Variants in PAAF1 observed in about 807,000 individuals in gnomAD.
The protein encoded by PAAF1 is proteasomal ATPase-associated factor 1.
PAAF1 carries 46 observed loss-of-function variants against 52.8 expected under a neutral mutation model. The ratio of observed to expected loss-of-function variants is 0.87; its 90% confidence interval spans 0.69 to 1.11. PAAF1 has a LOEUF of 1.11. PAAF1 is among the 50% of genes most tolerant of loss of function. The probability of loss-of-function intolerance (pLI) is 0.00; values close to 1 mark genes in which losing one functional copy is unlikely to be tolerated. For missense variants in PAAF1, 424 were observed against 477.4 expected, an observed-to-expected ratio of 0.89 and a Z score of 1.04; for synonymous variants, 178 against 172.8, an observed-to-expected ratio of 1.03 and a Z score of -0.24.
At chr11:73,877,776 C>T (rs937892583) in intron 1 of PAAF1, among the ~76,000 whole-genome samples, 70 of 152,132 alleles carry the variant, frequency 4.6e-4, no homozygotes, top group Non-Finnish European at 3.1e-4. Context: ...ATCCCAGCTA[C>T]TCGGGAGGCT....
chr11:73,912,765 C>T (rs568751273), intron 7 of PAAF1, among the ~76,000 whole-genome samples: 2 of 152,324 alleles, frequency 1.3e-5, no homozygotes, highest in Admixed American at 1.3e-4. Flanking sequence ...CTGACCCCTA[C>T]ACTTCTCTCC....
At chr11:73,908,019 T>C (rs1949807344) in intron 6 of PAAF1, among the ~76,000 whole-genome samples, 1 of 152,044 alleles carries the variant, frequency 6.6e-6, no homozygotes, top group African/African-American at 2.4e-5. Context: ...CCTTAAGTGG[T>C]CCACCACCTT....
intron 3 of PAAF1, chr11:73,888,797 T>C (rs1389920903): frequency 8.9e-6 from 3 of 335,232 alleles, no homozygotes; most frequent in Non-Finnish European, 1.6e-5. Context: ...ATTAGCTGTG[T>C]GATTTTGGAC....
intron 4 of PAAF1, among the ~76,000 whole-genome samples, chr11:73,892,569 CATT>C (rs1386916183): frequency 6.6e-6 from 1 of 152,160 alleles, no homozygotes; most frequent in Non-Finnish European, 1.5e-5. Context: ...CTCTACATAT[CATT>C]ATTTTACTTA....
intron 6 of PAAF1, among the ~76,000 whole-genome samples, chr11:73,907,805 T>A (rs1300043174): frequency 6.6e-6 from 1 of 152,146 alleles, no homozygotes; most frequent in Non-Finnish European, 1.5e-5. Flanking sequence ...TTGCCAAGAT[T>A]TCTATTTTGT....
At chr11:73,878,917 A>G (rs1345425363) in intron 2 of PAAF1, 98 bp downstream of exon 2, 6 of 1,155,076 alleles carry the variant, frequency 5.2e-6, no homozygotes, top group Non-Finnish European at 7.6e-6. Context: ...GCCTCCTTAC[A>G]TAATAGTCTG....
At chr11:73,895,468 T>A (rs1182026298) in intron 4 of PAAF1, among the ~76,000 whole-genome samples, 1 of 152,224 alleles carries the variant, frequency 6.6e-6, no homozygotes, top group Non-Finnish European at 1.5e-5. Flanking sequence ...AGCAGTCCTT[T>A]TATTCCGAGG....
At chr11:73,877,274 A>C (rs1019927440) in intron 1 of PAAF1, 3 of 426,432 alleles carry the variant, frequency 7.0e-6, no homozygotes, top group African/African-American at 6.1e-5. Context: ...GGAGCACATG[A>C]GCTGTGTGAT....
chr11:73,909,700 AT>A, intron 7 of PAAF1, 107 bp downstream of exon 7: 1 of 999,266 alleles, frequency 1.0e-6, no homozygotes, highest in Non-Finnish European at 1.5e-6. Flanking sequence ...TGTGCCTGGT[AT>A]TTCTGTTTTC....
At chr11:73,887,104 G>A (rs1218813212) in intron 2 of PAAF1, 1 of 459,844 alleles carries the variant, frequency 2.2e-6, no homozygotes, top group Admixed American at 2.5e-5. Context: ...AGAACCGTGA[G>A]CCAAATAAAC....
At position 73,927,097 on chromosome 11, in the gene PAAF1, G is replaced by T. The variant is rs371690311; in HGVS notation, c.1102-188G>T. 2.0e-4 allele frequency among the ~76,000 whole-genome samples: 31 copies of T among 152,244 alleles called. 1 individual carries two copies. The East Asian group carries it at 2.5e-3, about 12-fold the overall frequency. ...TAGTCATGGTGCATCCCAACCATTGGTGATTGGGATGCATCCATCACTATG... is the reference window on the plus strand; with the variant it reads ...TAGTCATGGTGCATCCCAACCATTGTTGATTGGGATGCATCCATCACTATG... On this transcript the variant is annotated intron_variant, in intron 11 of 11. Coordinates refer to ENST00000310571, the MANE Select transcript of PAAF1 (RefSeq NM_025155.3).
intron 5 of PAAF1, 63 bp downstream of exon 5, chr11:73,899,307 TG>T: frequency 7.9e-7 from 1 of 1,262,324 alleles, no homozygotes; most frequent in Non-Finnish European, 1.1e-6. Flanking sequence ...AGCCTTGGAC[TG>T]GGACATGGAA....
intron 2 of PAAF1, 125 bp downstream of exon 2, chr11:73,878,944 G>A (rs1948819896): frequency 1.2e-6 from 1 of 801,964 alleles, no homozygotes; most frequent in East Asian, 2.6e-5. Flanking sequence ...TGCTTGACCA[G>A]TCTGTACTGT....
intron 9 of PAAF1, among the ~76,000 whole-genome samples, chr11:73,917,699 C>T (rs943955242): frequency 6.6e-6 from 1 of 152,122 alleles, no homozygotes; most frequent in African/African-American, 2.4e-5. Flanking sequence ...TGGCGAAACC[C>T]TGTCTCTACT....
At chr11:73,926,115 CT>C (rs1307942967) in intron 11 of PAAF1, among the ~76,000 whole-genome samples, 4 of 150,080 alleles carry the variant, frequency 2.7e-5, no homozygotes, top group Non-Finnish European at 5.9e-5. Context: ...TTCTTTCTTT[CT>C]TTTTTTTGAG....
chr11:73,887,540 A>T (rs1025364064), intron 3 of PAAF1, 83 bp downstream of exon 3: 80 of 823,788 alleles, frequency 9.7e-5, no homozygotes, highest in Non-Finnish European at 1.3e-4. Flanking sequence ...TTATACTATT[A>T]TCTGTGTATC....
In PAAF1 at chr11:73,882,768, A is replaced by G. The variant is rs370880256; in HGVS notation, c.88+3949A>G. 9.9e-5 allele frequency among the ~76,000 whole-genome samples: 15 copies of G among 152,076 alleles called. 1 individual carries two copies. In the East Asian group the frequency reaches 1.7e-3, roughly 18 times the overall value. On this transcript the variant is annotated intron_variant, in intron 2 of 11. Coordinates refer to ENST00000310571, the MANE Select transcript of PAAF1 (RefSeq NM_025155.3). ...CAGGTGTCCGCCACCACGCCCAGCT[A>G]ATTTTTTTGTATTTTTAGTAGAGAC...
chr11:73,901,800 C>A (rs1168290758), intron 6 of PAAF1, among the ~76,000 whole-genome samples: 1 of 151,866 alleles, frequency 6.6e-6, no homozygotes, highest in Non-Finnish European at 1.5e-5. Flanking sequence ...AAACTCTTGA[C>A]CTCAGGGTGA....
chr11:73,899,934 G>A (rs1949550110), intron 5 of PAAF1, among the ~76,000 whole-genome samples: 1 of 151,950 alleles, frequency 6.6e-6, no homozygotes, highest in Admixed American at 6.6e-5. Context: ...AGAGATGAGT[G>A]AAAAAGTCCC....
Sources: allele counts gnomAD v4.1 joint callset (sites outside exome capture counted in the v4.1 genomes callset), GRCh38; gene constraint gnomAD v4.1.1; transcripts MANE v1.5; gene names NCBI Gene and HGNC (gene_info 2026-07-23, HGNC 2026-07-21).